The following ADAMTSL1 variants were observed in gnomAD, a reference collection of about 807,000 sequenced individuals.
The protein encoded by ADAMTSL1 is ADAMTS-like protein 1.
A neutral mutation model predicts 201.8 loss-of-function variants in ADAMTSL1; 126 were observed. That is an observed-to-expected ratio of 0.62 (90% CI 0.54 to 0.72). The LOEUF is 0.72. Among genes scored for constraint, ADAMTSL1 ranks in the 30% least tolerant of loss-of-function variants. ADAMTSL1 has a pLI of 0.00. For missense variants in ADAMTSL1, 2,679 were observed against 2,277.8 expected (o/e 1.18, Z -3.59); for synonymous variants, 1,121 against 903.4 (o/e 1.24, Z -4.32).
intron 2 of ADAMTSL1, among the ~76,000 whole-genome samples, chr9:18,332,235 T>C (rs1835058281): frequency 6.6e-6 from 1 of 152,246 alleles, no homozygotes; most frequent in Admixed American, 6.5e-5. Context: ...CTTACATAGA[T>C]GTAAACATAC....
At chr9:18,896,598 T>C (rs535004132) in intron 26 of ADAMTSL1, among the ~76,000 whole-genome samples, 1 of 152,252 alleles carries the variant, frequency 6.6e-6, no homozygotes, top group South Asian at 2.1e-4. Context: ...AAAAGCTGGG[T>C]AGGCCACTGG....
chr9:18,702,022 C>T (rs1380327171), intron 13 of ADAMTSL1, among the ~76,000 whole-genome samples: 1 of 152,050 alleles, frequency 6.6e-6, no homozygotes, highest in Non-Finnish European at 1.5e-5. Context: ...TGGTGGAAGG[C>T]AAGGAGGAGC....
At chr9:18,842,403 C>T (rs1188333961) in intron 23 of ADAMTSL1, among the ~76,000 whole-genome samples, 1 of 152,062 alleles carries the variant, frequency 6.6e-6, no homozygotes, top group Non-Finnish European at 1.5e-5. Flanking sequence ...GTCTGAGGGA[C>T]AGTTTGTTAT....
chr9:18,538,395 G>A (rs1371625846), intron 3 of ADAMTSL1, among the ~76,000 whole-genome samples: 1 of 152,116 alleles, frequency 6.6e-6, no homozygotes, highest in Non-Finnish European at 1.5e-5. Flanking sequence ...ATTTCTTTGA[G>A]CCTCAGTTTC....
At chr9:18,631,680 T>C (rs1005908728) in intron 5 of ADAMTSL1, among the ~76,000 whole-genome samples, 1 of 152,176 alleles carries the variant, frequency 6.6e-6, no homozygotes, top group African/African-American at 2.4e-5. Context: ...AACATCCACA[T>C]ATGACAAGAT....
chr9:18,287,787 T>C (rs1833077253), intron 2 of ADAMTSL1, among the ~76,000 whole-genome samples: 1 of 144,054 alleles, frequency 6.9e-6, no homozygotes, highest in Non-Finnish European at 1.5e-5. Context: ...AGTCTTCCAG[T>C]TGGGAAGGAT....
At chr9:18,609,367 AT>A (rs1399288048) in intron 4 of ADAMTSL1, among the ~76,000 whole-genome samples, 2 of 117,410 alleles carry the variant, frequency 1.7e-5, no homozygotes, top group African/African-American at 6.6e-5. Context: ...ACCAGAGGTC[AT>A]TTCCCAAAGA....
At chr9:18,099,355 A>ATATATATATTTTTTTTTTT (rs1239180390) in intron 1 of ADAMTSL1, among the ~76,000 whole-genome samples, 3 of 45,542 alleles carry the variant, frequency 6.6e-5, no homozygotes, top group African/African-American at 2.4e-4. Context: ...ATATATATAT[A>ATATATATATTTTTTTTTTT]TTTTTTTTTT....
At position 18,715,548 on chromosome 9, in the gene ADAMTSL1, C is replaced by G. The variant is rs1004469678; in HGVS notation, c.1877-5988C>G. Among the ~76,000 whole-genome samples, 254 of 152,078 alleles carry G rather than the reference C, an allele frequency of 1.7e-3. 2 individuals carry two copies. The highest frequency in any genetic ancestry group is 5.8e-3 in the African/African-American group (239 of 41,498). On this transcript the variant is annotated intron_variant, in intron 14 of 28. Transcript: ENST00000380548. ...TTACAAGGGATGTGAAGGACCTCTT[C>G]AAAGAGAACTACAAACCACTACTCA...
At chr9:18,726,231 G>C (rs1198521858) in intron 15 of ADAMTSL1, among the ~76,000 whole-genome samples, 1 of 152,168 alleles carries the variant, frequency 6.6e-6, no homozygotes, top group Non-Finnish European at 1.5e-5. Context: ...GTCTGGGCGT[G>C]GTGGCTCACA....
chr9:18,177,486 T>C (rs1433656154), intron 2 of ADAMTSL1, among the ~76,000 whole-genome samples: 1 of 152,196 alleles, frequency 6.6e-6, no homozygotes, highest in Non-Finnish European at 1.5e-5. Flanking sequence ...ACATTTGTTT[T>C]TTCCTTATGT....
intron 2 of ADAMTSL1, among the ~76,000 whole-genome samples, chr9:18,402,937 T>C (rs902049255): frequency 2.0e-5 from 3 of 152,182 alleles, no homozygotes; most frequent in African/African-American, 7.2e-5. Context: ...GCATTCTCAT[T>C]TGATCCTCAC....
intron 2 of ADAMTSL1, among the ~76,000 whole-genome samples, chr9:18,295,332 C>T (rs1266631712): frequency 1.3e-5 from 2 of 151,002 alleles, no homozygotes; most frequent in East Asian, 3.9e-4. Flanking sequence ...ATTTTGACTG[C>T]AACCGTTATT....
chr9:18,436,381 C>T (rs1285073867), intron 2 of ADAMTSL1, among the ~76,000 whole-genome samples: 1 of 152,190 alleles, frequency 6.6e-6, no homozygotes, highest in African/African-American at 2.4e-5. Context: ...TCTTTTCATG[C>T]TCTGCTCTTT....
intron 1 of ADAMTSL1, among the ~76,000 whole-genome samples, chr9:18,129,338 C>T (rs1160459654): frequency 6.6e-6 from 1 of 152,112 alleles, no homozygotes; most frequent in Non-Finnish European, 1.5e-5. Context: ...AGACATTTTG[C>T]ACTATGTTCT....
chr9:18,121,949 A>T (rs531058793), intron 1 of ADAMTSL1, among the ~76,000 whole-genome samples: 4 of 152,202 alleles, frequency 2.6e-5, no homozygotes, highest in African/African-American at 9.6e-5. Context: ...CCTAGCCACC[A>T]CTGACTTACT....
At chr9:18,127,481 AAC>A (rs112886805) in intron 1 of ADAMTSL1, among the ~76,000 whole-genome samples, 3,129 of 146,140 alleles carry the variant, frequency 0.021, 44 homozygotes, top group African/African-American at 0.04. Context: ...GCACATACAC[AAC>A]ACACACACAC....
At chr9:18,338,382 G>T (rs1056596673) in intron 2 of ADAMTSL1, among the ~76,000 whole-genome samples, 12 of 152,052 alleles carry the variant, frequency 7.9e-5, no homozygotes, top group African/African-American at 1.2e-4. Context: ...TTCCATTCAG[G>T]TTCCTACCCT....
At chr9:17,949,576 C>T (rs1317989527) in intron 1 of ADAMTSL1, among the ~76,000 whole-genome samples, 2 of 152,132 alleles carry the variant, frequency 1.3e-5, no homozygotes, top group African/African-American at 4.8e-5. Flanking sequence ...TGTTCAGAAT[C>T]CTGCATCCTC....
Sources: allele counts gnomAD v4.1 joint callset (sites outside exome capture counted in the v4.1 genomes callset), GRCh38; gene constraint gnomAD v4.1.1; transcripts MANE v1.5; gene names NCBI Gene and HGNC (gene_info 2026-07-23, HGNC 2026-07-21).